Variants in ZSWIM6 observed in about 807,000 individuals in gnomAD.
ZSWIM6 encodes zinc finger SWIM-type containing 6.
Under a neutral mutation model 113.2 loss-of-function variants are expected in ZSWIM6, and 9 were observed. The ratio of observed to expected loss-of-function variants is 0.08; its 90% confidence interval spans 0.05 to 0.14. The LOEUF (loss-of-function observed/expected upper bound fraction) is 0.14, where lower values mean the gene tolerates loss of function less well. ZSWIM6 is among the 10% of genes least tolerant of loss of function. The probability of loss-of-function intolerance (pLI) is 1.00; values close to 1 mark genes in which losing one functional copy is unlikely to be tolerated. For synonymous variants in ZSWIM6, 611 were observed against 606.5 expected (o/e 1.01, Z -0.11); for missense variants, 1,162 against 1,552.2 (o/e 0.75, Z 4.22).
chr5:61,441,175 T>C (rs1380538228), intron 1 of ZSWIM6, among the ~76,000 whole-genome samples: 3 of 152,210 alleles, frequency 2.0e-5, no homozygotes, highest in African/African-American at 7.2e-5. Context: ...ATATTATGTA[T>C]AAAAATTAAA....
intron 1 of ZSWIM6, among the ~76,000 whole-genome samples, chr5:61,356,678 CATAAT>C (rs1476019563): frequency 2.2e-5 from 3 of 136,960 alleles, no homozygotes; most frequent in African/African-American, 8.1e-5. Flanking sequence ...ATATATATAA[CATAAT>C]ATATAATATA....
At chr5:61,538,710 C>G in intron 10 of ZSWIM6, 104 bp from the exon 11 acceptor site, 2 of 1,283,048 alleles carry the variant, frequency 1.6e-6, no homozygotes, top group Non-Finnish European at 2.1e-6. Flanking sequence ...TGAGTAGAGG[C>G]CTGAACATCT....
chr5:61,366,253 A>G (rs1448846450), intron 1 of ZSWIM6, among the ~76,000 whole-genome samples: 1 of 152,156 alleles, frequency 6.6e-6, no homozygotes, highest in Non-Finnish European at 1.5e-5. Context: ...ATATGTTTTT[A>G]TGCATTTTTT....
At chr5:61,391,176 G>A in intron 1 of ZSWIM6, 1 of 818,994 alleles carries the variant, frequency 1.2e-6, no homozygotes, top group South Asian at 1.3e-5. Context: ...GCCAACGACT[G>A]GTGACCCCTT....
Position 61,472,775 on chromosome 5 carries a change from T to C in ZSWIM6, c.771T>C (p.Ile257=), listed in dbSNP as rs1276657602. Residue 257 remains isoleucine (I), a synonymous_variant, in exon 2 of 14, where the codon ATT becomes ATC. Transcript: ENST00000252744. This position sits in a 1 kb window ranked among gnomAD's most constrained non-coding sequence, Gnocchi z 4.1. ...CCATCAGCTTTGATCGTTGCAAGAT[T>C]ACCTCAGTGACCTGCAGCTGTGGAA... ...NVAISFDRCK[I]TSVTCSCGNK... is the part of the protein sequence containing the mutation. 2.6e-6 allele frequency: 4 copies of C among 1,551,644 alleles called. No individual in the cohort carries two copies. The highest frequency in any genetic ancestry group is 2.6e-6 in the Non-Finnish European group (3 of 1,147,022).
chr5:61,363,341 A>G (rs980357864), intron 1 of ZSWIM6, among the ~76,000 whole-genome samples: 56 of 152,256 alleles, frequency 3.7e-4, no homozygotes, highest in African/African-American at 1.1e-3. Context: ...TTTGTTATAT[A>G]GAATTGGTAA....
At position 61,428,649 on chromosome 5, in the gene ZSWIM6, G is replaced by T. The variant is rs970151555; in HGVS notation, c.677-44032G>T. Among the ~76,000 whole-genome samples the T allele has an allele frequency of 2.6e-4, 39 of 151,796 alleles. 1 individual carries two copies. On this transcript the variant is annotated intron_variant, in intron 1 of 13. Coordinates refer to ENST00000252744, the MANE Select transcript of ZSWIM6 (RefSeq NM_020928.2). ...ACCCCCTAAAGTGTTGGAATTACAGGCATCAGCCACTGTACTCAGTCTCTT... is the reference window on the plus strand; with the variant it reads ...ACCCCCTAAAGTGTTGGAATTACAGTCATCAGCCACTGTACTCAGTCTCTT...
At chr5:61,530,488 T>C (rs1749400993) in intron 8 of ZSWIM6, among the ~76,000 whole-genome samples, 1 of 152,184 alleles carries the variant, frequency 6.6e-6, no homozygotes, top group African/African-American at 2.4e-5. Flanking sequence ...TATGACTACT[T>C]CTTAGCATAA....
rs1749260631 is a variant in ZSWIM6 at position 61,525,838 on chromosome 5, G to A, written c.1552G>A (p.Ala518Thr). 1.3e-6 allele frequency: 2 copies of A among 1,551,768 alleles called. No individual in the cohort carries two copies. The highest frequency in any genetic ancestry group is 1.7e-6 in the Non-Finnish European group (2 of 1,146,992). ...NRPHRTVFTR[A>T]IEACDLHWQD... ...GCCACATCGGACAGTGTTCACCCGA[G>A]CCATCGAGGCATGCGATCTCCACTG... Residue 518 changes from alanine to threonine, a missense_variant, in exon 6 of 14, where the codon GCC becomes ACC. Transcript: ENST00000252744.
intron 1 of ZSWIM6, among the ~76,000 whole-genome samples, chr5:61,432,517 C>T (rs1027004841): frequency 5.3e-5 from 8 of 152,198 alleles, no homozygotes; most frequent in Non-Finnish European, 8.8e-5. Flanking sequence ...GTTTTCATCA[C>T]AGCTTCACAG....
intron 1 of ZSWIM6, among the ~76,000 whole-genome samples, chr5:61,387,238 T>C (rs1377385318): frequency 6.6e-6 from 1 of 152,252 alleles, no homozygotes; most frequent in African/African-American, 2.4e-5. Flanking sequence ...AGCATATTTA[T>C]ATAAGTTGCC....
intron 1 of ZSWIM6, among the ~76,000 whole-genome samples, chr5:61,356,139 TG>T (rs1169717150): frequency 5.9e-5 from 9 of 152,204 alleles, no homozygotes; most frequent in Non-Finnish European, 1.0e-4. Context: ...CTTGCTCTGT[TG>T]TCCAAGCTGG....
intron 7 of ZSWIM6, among the ~76,000 whole-genome samples, chr5:61,529,658 T>C (rs1749377570): frequency 6.6e-6 from 1 of 152,236 alleles, no homozygotes; most frequent in South Asian, 2.1e-4. Flanking sequence ...TCCTCTCTAA[T>C]GCCCCCTCCT....
chr5:61,461,681 A>C (rs1747327197), intron 1 of ZSWIM6, among the ~76,000 whole-genome samples: 1 of 152,180 alleles, frequency 6.6e-6, no homozygotes, highest in South Asian at 2.1e-4. Flanking sequence ...AGGTGCTGGA[A>C]ATCATTTATT....
chr5:61,340,883 C>A (rs966267253), intron 1 of ZSWIM6, among the ~76,000 whole-genome samples: 1 of 152,206 alleles, frequency 6.6e-6, no homozygotes, highest in African/African-American at 2.4e-5. Context: ...TTCTAGCATG[C>A]TCAGTTCATG....
At chr5:61,381,421 CTT>C (rs1406602003) in intron 1 of ZSWIM6, among the ~76,000 whole-genome samples, 1 of 152,056 alleles carries the variant, frequency 6.6e-6, no homozygotes, top group African/African-American at 2.4e-5. Flanking sequence ...TTTCCAAATT[CTT>C]TTTTAAAGTG....
chr5:61,461,476 T>G (rs1473242285), intron 1 of ZSWIM6, among the ~76,000 whole-genome samples: 1 of 152,350 alleles, frequency 6.6e-6, no homozygotes, highest in African/African-American at 2.4e-5. Flanking sequence ...TCTCTCTGCC[T>G]TGTCTTACTT....
intron 1 of ZSWIM6, chr5:61,375,415 G>T: frequency 2.0e-6 from 3 of 1,511,722 alleles, no homozygotes; most frequent in Non-Finnish European, 2.7e-6. Context: ...GAAGAAATCT[G>T]GTAGGTATTC....
At chr5:61,496,143 C>G (rs993064964) in intron 4 of ZSWIM6, among the ~76,000 whole-genome samples, 3 of 152,108 alleles carry the variant, frequency 2.0e-5, no homozygotes, top group Admixed American at 1.3e-4. Flanking sequence ...CCAGCTGATT[C>G]TAGTTATGCC....
Sources: gnomAD v4.1 joint callset for allele counts (sites outside exome capture counted in the v4.1 genomes callset) on GRCh38, gnomAD v4.1.1 for gene constraint, Gnocchi (gnomAD v3.1) non-coding constraint, MANE v1.5 for transcripts, NCBI Gene and HGNC (gene_info 2026-07-23, HGNC 2026-07-21) for gene names.